KDM5C: variants seen among roughly 807,000 people sequenced by gnomAD.
KDM5C encodes lysine-specific demethylase 5C.
KDM5C carries 16 observed loss-of-function variants against 110.6 expected under a neutral mutation model. The observed-to-expected ratio is 0.14, with a 90% CI of 0.10 to 0.22. The LOEUF is 0.22. Among genes scored for constraint, KDM5C ranks in the 10% least tolerant of loss-of-function variants. The pLI is 1.00. For synonymous variants in KDM5C, 511 were observed against 520.4 expected (o/e 0.98, Z 0.24); for missense variants, 681 against 1,300.9 (o/e 0.52, Z 7.33).
At chrX:53,214,959 C>T (rs1556850953) in intron 7 of KDM5C, 112 bp from the exon 8 acceptor site, 15 of 792,013 alleles carry the variant, frequency 1.9e-5, no homozygotes, top group African/African-American at 1.2e-4. Context: ...CTCAACTGCA[C>T]GTATGTACCA....
chrX:53,217,721 A>G lies in KDM5C; in HGVS notation c.522+75T>C, dbSNP rs1227331848. On this transcript the variant is annotated intron_variant, in intron 4 of 25. Coordinates refer to ENST00000375401, the MANE Select transcript of KDM5C (RefSeq NM_004187.5). ...TCCCAGGTCTCCAGTCCACTAAACCAGTTTCATTAAGAGCAAGTGTGGAAA... is the reference window on the plus strand; with the variant it reads ...TCCCAGGTCTCCAGTCCACTAAACCGGTTTCATTAAGAGCAAGTGTGGAAA... 4 of 1,087,549 alleles carry G rather than the reference A, an allele frequency of 3.7e-6. No homozygotes were observed. In the African/African-American group the frequency reaches 5.5e-5, roughly 15 times the overall value. The allele number at this position is 1,087,549 out of a possible 1,213,427, so 89.6% of individuals were successfully genotyped here. A position where few individuals can be genotyped will look rare whatever the true frequency, so the allele number is the denominator to read the frequency against.
chrX:53,199,081 C>A lies in KDM5C; in HGVS notation c.2139G>T (p.Thr713=), dbSNP rs782489275. 8.3e-7 allele frequency: 1 copy of A among 1,212,031 alleles called. No individual in the cohort carries two copies. ...DERQCIKCKT[T]CFLSALACYD... ...AGCAGGCCAGGGCTGACAGGAAACACGTAGTCTTGCACTTGATACACTGGC... is the reference window on the plus strand; with the variant it reads ...AGCAGGCCAGGGCTGACAGGAAACAAGTAGTCTTGCACTTGATACACTGGC... The change falls in exon 15 of 26, where the codon ACG becomes ACT. Residue 713 remains threonine (T), a synonymous_variant. Coordinates refer to ENST00000375401, the MANE Select transcript of KDM5C (RefSeq NM_004187.5).
rs782787059 is a variant in KDM5C, at chrX:53,218,714, T to C, written c.229-316A>G. ...CCTCAGCCTCCTGAGTAGCTGGAACTATAGGCGCACGCCACCACGCCCGGC... is the reference window on the plus strand; with the variant it reads ...CCTCAGCCTCCTGAGTAGCTGGAACCATAGGCGCACGCCACCACGCCCGGC... On this transcript the variant is annotated intron_variant, in intron 2 of 25. Transcript: ENST00000375401. 1.9e-5 allele frequency: 7 copies of C among 377,189 alleles called. No homozygotes were observed. The South Asian group carries it at 2.0e-4, about 11-fold the overall frequency. 31.1% of individuals were successfully genotyped at this position (377,189 alleles called of 1,213,427 possible).
chrX:53,199,800 G>A, intron 14 of KDM5C, among the ~76,000 whole-genome samples: 1 of 111,965 alleles, frequency 8.9e-6, no homozygotes, highest in Admixed American at 9.5e-5. Context: ...TGGAGTAATC[G>A]AGAGACAACC....
chrX:53,204,581 C>T, intron 12 of KDM5C, among the ~76,000 whole-genome samples: 1 of 110,592 alleles, frequency 9.0e-6, no homozygotes. Flanking sequence ...ATTGTAAGCT[C>T]CGCCTCACGG....
At chrX:53,181,545 G>C (rs1934048503) in intron 25 of KDM5C, among the ~76,000 whole-genome samples, 1 of 109,376 alleles carries the variant, frequency 9.1e-6, no homozygotes, top group Admixed American at 9.9e-5. Context: ...ACTGAATTCA[G>C]ATTCCTGTAT....
chrX:53,209,171 T>A (rs1177166003), intron 12 of KDM5C, among the ~76,000 whole-genome samples: 1 of 110,767 alleles, frequency 9.0e-6, no homozygotes, highest in Non-Finnish European at 1.9e-5. Flanking sequence ...ACTGATGCTG[T>A]GCTATGGGTC....
intron 2 of KDM5C, among the ~76,000 whole-genome samples, chrX:53,220,438 A>G (rs1397402054): frequency 8.9e-6 from 1 of 112,318 alleles, no homozygotes; most frequent in Non-Finnish European, 1.9e-5. Flanking sequence ...CAAAGTAGAA[A>G]GCACAGGGCT....
rs782693081 is a variant in KDM5C at position 53,193,213 on chromosome X, T to G, written c.4437A>C (p.Pro1479=). Residue 1479 remains proline (P), a synonymous_variant, in exon 26 of 26, where the codon CCA becomes CCC. Coordinates refer to ENST00000375401, the MANE Select transcript of KDM5C (RefSeq NM_004187.5). The part of the protein sequence containing the change: ...GDDPAREELE[P]KRVRSSGPEA... Reference sequence around the variant, plus strand: ...CTGGCCCTGAGCTCCGTACCCTCTTTGGCTCTAGCTCCTCTCGGGCTGGGT... The same window carrying G: ...CTGGCCCTGAGCTCCGTACCCTCTTGGGCTCTAGCTCCTCTCGGGCTGGGT... The G allele has an allele frequency of 8.3e-7, 1 of 1,209,908 alleles. No individual in the cohort carries two copies. Among genetic ancestry groups the G allele is most frequent in the Admixed American group, 2.2e-5 (1 of 46,037 alleles).
intron 8 of KDM5C, 68 bp downstream of exon 8, chrX:53,214,621 C>A: frequency 8.8e-7 from 1 of 1,129,947 alleles, no homozygotes; most frequent in Non-Finnish European, 1.2e-6. Flanking sequence ...AGAGGCTGCC[C>A]TCAATAAGGC....
chrX:53,215,453 CAG>C (rs1269145271), intron 7 of KDM5C, among the ~76,000 whole-genome samples: 1 of 111,868 alleles, frequency 8.9e-6, no homozygotes, highest in Non-Finnish European at 1.9e-5. Context: ...GTGGCTATAG[CAG>C]AGGAGTGAGG....
intron 1 of KDM5C, among the ~76,000 whole-genome samples, chrX:53,222,778 C>T (rs905513503): frequency 9.0e-6 from 1 of 111,635 alleles, no homozygotes; most frequent in Non-Finnish European, 1.9e-5. Context: ...GGTACCCACA[C>T]TCTCCTCCCA....
At chrX:53,178,890 G>C (rs1933951032) in intron 25 of KDM5C, among the ~76,000 whole-genome samples, 3 of 112,071 alleles carry the variant, frequency 2.7e-5, no homozygotes, top group Admixed American at 9.5e-5. Context: ...CTGAGGTCAG[G>C]AGTTTGAGAC....
chrX:53,196,944 C>T lies in KDM5C; in HGVS notation c.2723G>A (p.Gly908Glu), dbSNP rs782762372. 8.3e-6 allele frequency: 10 copies of T among 1,198,187 alleles called. No individual in the cohort carries two copies. In the South Asian group the frequency reaches 1.8e-4, roughly 22 times the overall value. The change falls in exon 19 of 26, where the codon GGG (glycine) becomes GAG (glutamate). Residue 908 changes from glycine (G) to glutamate (E), a missense_variant. Gly to Glu is a moderately conservative substitution (Grantham distance 98, BLOSUM62 -2). Coordinates refer to ENST00000375401, the MANE Select transcript of KDM5C (RefSeq NM_004187.5). ...AGGCACCTCCACCCCCAGCTGCCGC[C>T]CCCTCTCCAACAGGGACTGCAGTAG... ...PGLLQSLLER[G>E]RQLGVEVPEA...
chrX:53,201,703 G>A lies in KDM5C; in HGVS notation c.1908C>T (p.Leu636=), dbSNP rs2073143322. The change falls in exon 14 of 26, where the codon CTC becomes CTT. Residue 636 remains leucine, a synonymous_variant. Transcript: ENST00000375401. ...GRQCIEHYRR[L]RRYCVFSHEE... ...CATGGGAGAAGACGCAGTATCTCCG[G>A]AGCCGGCGGTAGTGCTCAATGCACT... The A allele has an allele frequency of 1.7e-6, 2 of 1,211,966 alleles. No individual in the cohort carries two copies. The highest frequency in any genetic ancestry group is 3.5e-5 in the South Asian group (2 of 57,006).
intron 25 of KDM5C, among the ~76,000 whole-genome samples, chrX:53,184,981 AG>A (rs1934176832): frequency 8.9e-6 from 1 of 112,170 alleles, no homozygotes; most frequent in Admixed American, 9.5e-5. Flanking sequence ...GGTACAGTGT[AG>A]GCAGGGGAAT....
chrX:53,206,887 A>T (rs2146892712), intron 12 of KDM5C, among the ~76,000 whole-genome samples: 1 of 102,269 alleles, frequency 9.8e-6, no homozygotes, highest in South Asian at 4.6e-4. Flanking sequence ...AAAAAAAAAA[A>T]AAAAAAATCA....
In KDM5C at chrX:53,192,785, T is replaced by C. The variant is rs1934504388; in HGVS notation, c.*182A>G. On this transcript the variant is annotated 3_prime_UTR_variant, in exon 26 of 26. Transcript: ENST00000375401. ...ACTCCAGGGGCCGGCCCCCAGGAGCTGAGGTCTGAACAATACCTTGGAGTC... is the reference window on the plus strand; with the variant it reads ...ACTCCAGGGGCCGGCCCCCAGGAGCCGAGGTCTGAACAATACCTTGGAGTC... 2 of 1,144,581 alleles carry C rather than the reference T, an allele frequency of 1.7e-6. No individual in the cohort carries two copies. Among genetic ancestry groups the C allele is most frequent in the East Asian group, 6.8e-5 (2 of 29,600 alleles). 94.3% of individuals were successfully genotyped at this position (1,144,581 alleles called of 1,213,427 possible).
intron 18 of KDM5C, 58 bp downstream of exon 18, chrX:53,197,713 C>A (rs782546336): frequency 1.0e-6 from 1 of 960,001 alleles, no homozygotes; most frequent in East Asian, 3.3e-5. Context: ...CAAGCATGGC[C>A]TGCTGCTCAG....
Sources: allele counts gnomAD v4.1 joint callset (sites outside exome capture counted in the v4.1 genomes callset), GRCh38; gene constraint gnomAD v4.1.1; transcripts MANE v1.5; gene names NCBI Gene and HGNC (gene_info 2026-07-23, HGNC 2026-07-21).